ABCA13: variants seen among roughly 807,000 people sequenced by gnomAD.
The protein encoded by ABCA13 is ATP binding cassette subfamily A member 13.
Under a neutral mutation model 478.7 loss-of-function variants are expected in ABCA13, and 476 were observed. The observed-to-expected ratio is 0.99, with a 90% CI of 0.92 to 1.07. The LOEUF (loss-of-function observed/expected upper bound fraction) is 1.07, where lower values mean the gene tolerates loss of function less well. ABCA13 is among the 50% of genes least tolerant of loss of function. ABCA13 has a pLI of 0.00. For synonymous variants in ABCA13, 2,252 were observed against 2,158.9 expected (o/e 1.04, Z -1.20); for missense variants, 6,060 against 5,910.6 (o/e 1.03, Z -0.83).
At chr7:48,391,887 C>T (rs762545242) in intron 37 of ABCA13, 34 bp from the exon 38 acceptor site, 46 of 1,591,784 alleles carry the variant, frequency 2.9e-5, no homozygotes, top group Non-Finnish European at 3.9e-5. Context: ...ATCAGCAACG[C>T]GTATTCTCCA....
rs1401199501 is a variant in ABCA13, at chr7:48,276,174, G to A, written c.6508G>A (p.Gly2170Ser). The change falls in exon 17 of 62, where the codon GGC becomes AGC. Residue 2170 changes from glycine to serine, a missense_variant. Physicochemically the swap from Gly to Ser is moderately conservative, Grantham distance 56 (BLOSUM62 0). Around this residue, in one of 3 missense-constraint regions of ABCA13, gnomAD observed 4,423 missense variants for 4,309.1 expected, o/e 1.03. Transcript: ENST00000435803. The stretch of plus-strand genomic sequence containing the variant: ...AGCCAAAGCTATTGCTACTTTTTGG[G>A]GCTCTTTAAAAAATATATCTAGAGC... ...LLAKAIATFW[G>S]SLKNISRAGN... 1 of 1,592,458 alleles carries A rather than the reference G, an allele frequency of 6.3e-7. No individual in the cohort carries two copies. The highest frequency in any genetic ancestry group is 8.5e-7 in the Non-Finnish European group (1 of 1,169,830).
intron 3 of ABCA13, among the ~76,000 whole-genome samples, chr7:48,204,109 CTCTT>C (rs931103181): frequency 2.8e-5 from 4 of 143,726 alleles, no homozygotes; most frequent in Non-Finnish European, 6.2e-5. Flanking sequence ...TCTCTTGACA[CTCTT>C]TTTTTTTTTT....
chr7:48,283,199 C>T (rs1268709171), intron 19 of ABCA13, among the ~76,000 whole-genome samples: 1 of 151,988 alleles, frequency 6.6e-6, no homozygotes, highest in African/African-American at 2.4e-5. Flanking sequence ...GTTACCGGCC[C>T]CAGGATGGCT....
chr7:48,413,384 T>C (rs775105454), intron 41 of ABCA13, among the ~76,000 whole-genome samples: 3 of 152,160 alleles, frequency 2.0e-5, no homozygotes, highest in Non-Finnish European at 2.9e-5. Context: ...GACCACTCCA[T>C]GTGGGTTCTT....
At chr7:48,248,475 A>C (rs767198806) in intron 14 of ABCA13, 31 bp downstream of exon 14, 61 of 1,490,266 alleles carry the variant, frequency 4.1e-5, no homozygotes, top group Non-Finnish European at 5.3e-5. Context: ...AAACTTATAA[A>C]CAATTGGGAC....
chr7:48,560,770 C>G (rs1786372940), intron 55 of ABCA13, among the ~76,000 whole-genome samples: 1 of 152,164 alleles, frequency 6.6e-6, no homozygotes, highest in African/African-American at 2.4e-5. Context: ...CTGTATTTAG[C>G]ATGTTGTGCA....
chr7:48,206,937 G>A (rs536059686), intron 3 of ABCA13, among the ~76,000 whole-genome samples: 4 of 152,116 alleles, frequency 2.6e-5, no homozygotes, highest in East Asian at 1.9e-4. Context: ...TTTTGTACCC[G>A]TTACTTATCC....
chr7:48,466,740 T>G (rs887701071), intron 43 of ABCA13, among the ~76,000 whole-genome samples: 1 of 152,216 alleles, frequency 6.6e-6, no homozygotes, highest in Non-Finnish European at 1.5e-5. Flanking sequence ...GCATATCTGA[T>G]GGCAAAACTA....
chr7:48,495,499 T>C (rs766761012), intron 48 of ABCA13, among the ~76,000 whole-genome samples: 3 of 152,172 alleles, frequency 2.0e-5, no homozygotes, highest in Admixed American at 1.3e-4. Context: ...TAAAAAAAAG[T>C]ATTCTACTCT....
chr7:48,256,292 T>G (rs1793376707), intron 15 of ABCA13, among the ~76,000 whole-genome samples: 1 of 152,214 alleles, frequency 6.6e-6, no homozygotes, highest in South Asian at 2.1e-4. Context: ...CAGAAGCTCT[T>G]TAGTTTACTT....
chr7:48,385,860 T>G (rs1815101029), intron 35 of ABCA13, among the ~76,000 whole-genome samples: 1 of 152,210 alleles, frequency 6.6e-6, no homozygotes, highest in Admixed American at 6.5e-5. Flanking sequence ...TTCTGACTGG[T>G]GTGAGATGGT....
chr7:48,296,625 A>G (rs1799415239), intron 21 of ABCA13, among the ~76,000 whole-genome samples: 1 of 151,614 alleles, frequency 6.6e-6, no homozygotes, highest in Non-Finnish European at 1.5e-5. Context: ...ATGCCCGGCT[A>G]ATTTTGTTTT....
At chr7:48,263,964 GTCACCAGGCTACCATTGCTCTGCTTTC>G (rs1466255359) in intron 15 of ABCA13, among the ~76,000 whole-genome samples, 21 of 151,820 alleles carry the variant, frequency 1.4e-4, no homozygotes, top group African/African-American at 4.8e-4. Flanking sequence ...TTCCTGCCCT[GTCACCAGGCTACCATTGCTCTGCTTTC>G]TGTCACTGTA....
In ABCA13 at chr7:48,626,405, T is replaced by A. The variant is rs139233107; in HGVS notation, c.14837+11028T>A. ...GCACAGAGATGAACAATGTAAACCA[T>A]GTTTGAAATAGCTTGATGGCAAGTG... is the stretch of plus-strand genomic sequence containing the variant. On this transcript the variant is annotated intron_variant, in intron 59 of 61. Transcript: ENST00000435803. 9.6e-3 allele frequency among the ~76,000 whole-genome samples: 1,457 copies of A among 152,238 alleles called. 15 individuals carry two copies. The highest frequency in any genetic ancestry group is 0.015 in the Non-Finnish European group (999 of 68,020).
At chr7:48,372,529 A>C (rs770610916) in intron 33 of ABCA13, 32 bp downstream of exon 33, 8 of 1,492,710 alleles carry the variant, frequency 5.4e-6, no homozygotes, top group East Asian at 4.5e-5. Flanking sequence ...AAAAAAAAAA[A>C]AAAACAACAA....
intron 20 of ABCA13, among the ~76,000 whole-genome samples, chr7:48,292,446 A>G (rs1381837061): frequency 6.6e-6 from 1 of 152,102 alleles, no homozygotes; most frequent in Non-Finnish European, 1.5e-5. Context: ...TGCGGTAGCC[A>G]GAGTGACCCT....
rs1279767594 is a variant in ABCA13 at position 48,546,956 on chromosome 7, T to G, written c.14354+18611T>G. The stretch of plus-strand genomic sequence containing the variant: ...AGTTGACAATTTAATTTTCTCCATT[T>G]AAAATTAAATGACAATTTAACAATA... On this transcript the variant is annotated intron_variant, in intron 55 of 61. Transcript: ENST00000435803. 9.9e-5 allele frequency among the ~76,000 whole-genome samples: 15 copies of G among 151,912 alleles called. 1 individual carries two copies. Among genetic ancestry groups the G allele is most frequent in the African/African-American group, 3.6e-4 (15 of 41,532 alleles).
At chr7:48,225,145 C>CTTCA in intron 5 of ABCA13, among the ~76,000 whole-genome samples, 1 of 139,908 alleles carries the variant, frequency 7.1e-6, no homozygotes, top group African/African-American at 2.7e-5. Context: ...GCCTTCCTTC[C>CTTCA]TTCCTTCCTT....
At chr7:48,617,915 G>T (rs1382199276) in intron 59 of ABCA13, among the ~76,000 whole-genome samples, 1 of 152,158 alleles carries the variant, frequency 6.6e-6, no homozygotes, top group Non-Finnish European at 1.5e-5. Flanking sequence ...AAGAATGTCC[G>T]TGGCAAGTAG....
Sources: allele counts gnomAD v4.1 joint callset (sites outside exome capture counted in the v4.1 genomes callset), GRCh38; gene constraint gnomAD v4.1.1; regional missense constraint gnomAD v4.1.1; transcripts MANE v1.5; gene names NCBI Gene and HGNC (gene_info 2026-07-23, HGNC 2026-07-21).